Variants in NRXN1 observed in about 807,000 individuals in gnomAD.
NRXN1 encodes the protein neurexin 1.
NRXN1 carries 39 observed loss-of-function variants against 150.9 expected under a neutral mutation model. That is an observed-to-expected ratio of 0.26 (90% confidence interval 0.20 to 0.34). NRXN1 has a LOEUF of 0.34. NRXN1 is among the 10% of genes least tolerant of loss of function. The pLI, the probability that NRXN1 is intolerant of heterozygous loss-of-function variation, is 1.00. For missense variants in NRXN1, 1,815 were observed against 1,949.9 expected, an observed-to-expected ratio of 0.93 and a Z score of 1.30; for synonymous variants, 924 against 757.0, an observed-to-expected ratio of 1.22 and a Z score of -3.62.
At chr2:50,989,816 C>T (rs964348166) in intron 2 of NRXN1, among the ~76,000 whole-genome samples, 8 of 152,002 alleles carry the variant, frequency 5.3e-5, no homozygotes. Context: ...TACGTTTTCA[C>T]TTGTCTTTGC....
intron 18 of NRXN1, among the ~76,000 whole-genome samples, chr2:50,174,100 C>G (rs889961580): frequency 6.6e-6 from 1 of 152,082 alleles, no homozygotes; most frequent in Non-Finnish European, 1.5e-5. Flanking sequence ...TCTAAATTGG[C>G]CTTCTGATTA....
At chr2:50,570,381 T>C (rs1670487119) in intron 8 of NRXN1, among the ~76,000 whole-genome samples, 1 of 152,212 alleles carries the variant, frequency 6.6e-6, no homozygotes, top group African/African-American at 2.4e-5. Context: ...CTGTTAATCA[T>C]ACCTTATTAA....
At chr2:50,768,673 T>C (rs1037501736) in intron 5 of NRXN1, among the ~76,000 whole-genome samples, 1 of 151,946 alleles carries the variant, frequency 6.6e-6, no homozygotes, top group Non-Finnish European at 1.5e-5. Flanking sequence ...AAGTCTATGA[T>C]TCAGTGGTCA....
Position 50,222,542 on chromosome 2 carries a change from A to T in NRXN1, c.3546+14247T>A, listed in dbSNP as rs553917267. ...CTTGTATGAATTTGTACATAAAAATATGCTTTTACACATGTGAAACGATAT... is the reference window on the plus strand; with the variant it reads ...CTTGTATGAATTTGTACATAAAAATTTGCTTTTACACATGTGAAACGATAT... On this transcript the variant is annotated intron_variant, in intron 18 of 22. Transcript: ENST00000401669. 5.9e-5 allele frequency among the ~76,000 whole-genome samples: 9 copies of T among 152,116 alleles called. No individual in the cohort carries two copies. In the South Asian group the frequency reaches 1.9e-3, roughly 31 times the overall value.
chr2:50,567,947 A>C (rs1019864010), intron 8 of NRXN1, among the ~76,000 whole-genome samples: 4 of 152,154 alleles, frequency 2.6e-5, no homozygotes, highest in Non-Finnish European at 5.9e-5. Flanking sequence ...TATTCATTAA[A>C]ATACAATGTC....
chr2:50,989,760 T>G (rs1411110836), intron 2 of NRXN1, among the ~76,000 whole-genome samples: 1 of 151,994 alleles, frequency 6.6e-6, no homozygotes, highest in African/African-American at 2.4e-5. Flanking sequence ...ACTCTAAACG[T>G]TAGGTACAGG....
At chr2:50,923,033 C>T (rs531014375) in intron 3 of NRXN1, among the ~76,000 whole-genome samples, 1 of 151,844 alleles carries the variant, frequency 6.6e-6, no homozygotes, top group South Asian at 2.1e-4. Context: ...GCATATTGCC[C>T]CCACAGGGCT....
intron 2 of NRXN1, among the ~76,000 whole-genome samples, chr2:50,952,359 CAT>C (rs1289787649): frequency 1.3e-5 from 2 of 152,080 alleles, no homozygotes; most frequent in African/African-American, 4.8e-5. Flanking sequence ...ACTTAATAAA[CAT>C]TATTTATAGA....
intron 5 of NRXN1, among the ~76,000 whole-genome samples, chr2:50,692,711 T>G (rs944905980): frequency 6.6e-6 from 1 of 152,196 alleles, no homozygotes; most frequent in Admixed American, 6.5e-5. Flanking sequence ...ATTTTCTCTT[T>G]TTCCCCTTGG....
intron 16 of NRXN1, chr2:50,466,567 A>C (rs1383345365): frequency 3.1e-5 from 14 of 451,492 alleles, no homozygotes; most frequent in Non-Finnish European, 4.9e-5. Context: ...ACACAGAAGA[A>C]TGTTCAGATT....
At chr2:50,275,041 C>T (rs1172596171) in intron 17 of NRXN1, among the ~76,000 whole-genome samples, 1 of 152,100 alleles carries the variant, frequency 6.6e-6, no homozygotes, top group Admixed American at 6.6e-5. Flanking sequence ...AACTAAGCAT[C>T]ATAAAAACAG....
intron 21 of NRXN1, among the ~76,000 whole-genome samples, chr2:49,975,340 A>T (rs1678774267): frequency 6.6e-6 from 1 of 152,136 alleles, no homozygotes; most frequent in Non-Finnish European, 1.5e-5. Flanking sequence ...TACATTTGAA[A>T]GAATTAATTC....
intron 17 of NRXN1, among the ~76,000 whole-genome samples, chr2:50,253,046 T>C (rs971877226): frequency 6.6e-6 from 1 of 152,228 alleles, no homozygotes; most frequent in African/African-American, 2.4e-5. Flanking sequence ...TCCATGAGCA[T>C]GGAATGCTTT....
intron 8 of NRXN1, among the ~76,000 whole-genome samples, chr2:50,613,796 G>A: frequency 6.6e-6 from 1 of 152,022 alleles, no homozygotes; most frequent in East Asian, 1.9e-4. Context: ...AAATTACCCG[G>A]GCATGGTGAC....
At chr2:50,110,981 A>G (rs1177698862) in intron 18 of NRXN1, among the ~76,000 whole-genome samples, 1 of 152,162 alleles carries the variant, frequency 6.6e-6, no homozygotes, top group African/African-American at 2.4e-5. Flanking sequence ...CTCATTAGTT[A>G]TAATACTTTA....
At chr2:50,271,343 G>C (rs2069600145) in intron 17 of NRXN1, among the ~76,000 whole-genome samples, 1 of 152,134 alleles carries the variant, frequency 6.6e-6, no homozygotes, top group South Asian at 2.1e-4. Context: ...GTATAATTAA[G>C]ATTTAGTAGA....
chr2:51,003,696 G>T (rs1018017871), intron 2 of NRXN1, among the ~76,000 whole-genome samples: 28 of 151,876 alleles, frequency 1.8e-4, no homozygotes, highest in Non-Finnish European at 2.5e-4. Flanking sequence ...TATCCTGCTT[G>T]TACACACAAT....
intron 12 of NRXN1, among the ~76,000 whole-genome samples, chr2:50,527,872 G>C (rs1277149845): frequency 6.6e-6 from 1 of 152,118 alleles, no homozygotes; most frequent in East Asian, 1.9e-4. Context: ...GATCATTGGA[G>C]ATTTCTTAAT....
chr2:50,586,051 C>G (rs888654006), intron 8 of NRXN1, among the ~76,000 whole-genome samples: 1 of 152,350 alleles, frequency 6.6e-6, no homozygotes. Context: ...CAAAGTCCTT[C>G]TCAAATTGAC....
Sources: allele counts gnomAD v4.1 joint callset (sites outside exome capture counted in the v4.1 genomes callset), GRCh38; gene constraint gnomAD v4.1.1; transcripts MANE v1.5; gene names NCBI Gene and HGNC (gene_info 2026-07-23, HGNC 2026-07-21).